POU2F2: variants seen among roughly 807,000 people sequenced by gnomAD.
POU2F2 encodes POU class 2 homeobox 2.
Under a neutral mutation model 63.5 loss-of-function variants are expected in POU2F2, and 14 were observed. The observed-to-expected ratio is 0.22, with a 90% CI of 0.15 to 0.34. POU2F2 has a LOEUF of 0.34. Among genes scored for constraint, POU2F2 ranks in the 10% least tolerant of loss-of-function variants. POU2F2 has a pLI of 1.00. For missense variants in POU2F2, 607 were observed against 815.2 expected, an observed-to-expected ratio of 0.74 and a Z score of 3.11; for synonymous variants, 306 against 348.6, an observed-to-expected ratio of 0.88 and a Z score of 1.36.
chr19:42,187,456 C>CAAAAAAA (rs35993667), intron 1 of POU2F2, among the ~76,000 whole-genome samples: 1 of 48,946 alleles, frequency 2.0e-5, no homozygotes. Context: ...GACTCTGTCT[C>CAAAAAAA]AAAAAAAAAA....
chr19:42,132,099 G>C (rs995288769), intron 1 of POU2F2, among the ~76,000 whole-genome samples: 2 of 152,146 alleles, frequency 1.3e-5, no homozygotes, highest in Non-Finnish European at 2.9e-5. Context: ...CCACATGAGG[G>C]CCCGCTACCA....
chr19:42,173,312 T>A (rs2034807378), intron 1 of POU2F2, among the ~76,000 whole-genome samples: 1 of 152,192 alleles, frequency 6.6e-6, no homozygotes, highest in Non-Finnish European at 1.5e-5. Context: ...CCATCATCGA[T>A]GTCCAAGTAG....
chr19:42,183,603 G>A (rs1240873601), intron 1 of POU2F2, among the ~76,000 whole-genome samples: 1 of 152,156 alleles, frequency 6.6e-6, no homozygotes, highest in African/African-American at 2.4e-5. Context: ...TCACAATAAA[G>A]CTGATTGCAA....
chr19:42,106,667 T>C (rs921662300), intron 5 of POU2F2, among the ~76,000 whole-genome samples: 2 of 151,962 alleles, frequency 1.3e-5, no homozygotes, highest in Non-Finnish European at 2.9e-5. Context: ...TCCCAGCACT[T>C]TGGGAGGCTA....
chr19:42,106,047 CTTTCTTCT>C (rs1313843273), intron 5 of POU2F2, among the ~76,000 whole-genome samples: 3 of 131,054 alleles, frequency 2.3e-5, no homozygotes, highest in African/African-American at 5.9e-5. Flanking sequence ...TTCTTTCTTT[CTTTCTTCT>C]TTCTTTCTTT....
chr19:42,104,518 A>AC (rs1467294852), intron 5 of POU2F2, among the ~76,000 whole-genome samples: 4 of 152,118 alleles, frequency 2.6e-5, no homozygotes, highest in South Asian at 2.1e-4. Flanking sequence ...ACAGTGGAAT[A>AC]CTATGCAGTC....
In POU2F2 at chr19:42,091,909, T is replaced by C. The variant is rs1454431251; in HGVS notation, c.1498A>G (p.Ser500Gly). 6 of 1,540,420 alleles carry C rather than the reference T, an allele frequency of 3.9e-6. No homozygotes were observed. Among genetic ancestry groups the C allele is most frequent in the Non-Finnish European group, 5.2e-6 (6 of 1,146,718 alleles). The change falls in exon 14 of 15, where the codon AGT becomes GGT. Residue 500 changes from serine (S) to glycine (G), a missense_variant. Around this residue, in one of 7 missense-constraint regions of POU2F2, gnomAD observed 270 missense variants for 307.5 expected, o/e 0.88. Transcript: ENST00000692977. Reference protein sequence around the residue: ...STMVGLSSGLSPALMSNNPLA... With the variant: ...STMVGLSSGLGPALMSNNPLA... ...GGGTTGTTGCTCATGAGGGCTGGAC[T>C]CAGCCCGGAGCTCAACCCCACCATT... is the stretch of plus-strand genomic sequence containing the variant.
chr19:42,195,678 CCTTT>C (rs1432000396), intron 1 of POU2F2, among the ~76,000 whole-genome samples: 1 of 148,676 alleles, frequency 6.7e-6, no homozygotes, highest in Non-Finnish European at 1.5e-5. Flanking sequence ...TCCCTCCCTC[CCTTT>C]CTTCCTTCCT....
chr19:42,187,761 C>CAAAAAAAAA (rs745767404), intron 1 of POU2F2, among the ~76,000 whole-genome samples: 2 of 49,960 alleles, frequency 4.0e-5, no homozygotes, highest in African/African-American at 7.6e-5. Context: ...GACTCCATCA[C>CAAAAAAAAA]AAAAAAAAAA....
In POU2F2 at chr19:42,090,154, G is replaced by C. The variant is rs1240161167; in HGVS notation, c.*1103C>G. ...AGGTGAGTTCTCTTTTTGGTTTCTGGTTAATGTCAAAGAACGTGAAGGATC... is the reference window on the plus strand; with the variant it reads ...AGGTGAGTTCTCTTTTTGGTTTCTGCTTAATGTCAAAGAACGTGAAGGATC... On this transcript the variant is annotated 3_prime_UTR_variant, in exon 15 of 15. Transcript: ENST00000692977. The surrounding 1 kb of genome is among the most constrained non-coding windows in gnomAD (Gnocchi z 4.4). 1 of 152,592 alleles carries C rather than the reference G, an allele frequency of 6.6e-6. No homozygotes were observed. The highest frequency in any genetic ancestry group is 1.5e-5 in the Non-Finnish European group (1 of 68,030). 9.5% of individuals were successfully genotyped at this position (152,592 alleles called of 1,614,324 possible). A position where few individuals can be genotyped will look rare whatever the true frequency, so the allele number is the denominator to read the frequency against.
chr19:42,099,883 G>C (rs1432651936), intron 5 of POU2F2, 62 bp from the exon 6 acceptor site: 3 of 1,349,300 alleles, frequency 2.2e-6, no homozygotes, highest in African/African-American at 2.9e-5. Context: ...CATCCTCTCT[G>C]CATCACCTGA....
chr19:42,157,587 C>G (rs1481482861), intron 2 of POU2F2: 1 of 152,228 alleles, frequency 6.6e-6, no homozygotes, highest in Non-Finnish European at 1.5e-5. Context: ...TTACACTGTG[C>G]CAGGGACTGA....
Position 42,162,553 on chromosome 19 carries a change from C to T in POU2F2, c.-69-2161G>A, listed in dbSNP as rs913457350. Among the ~76,000 whole-genome samples the T allele has an allele frequency of 1.3e-5, 2 of 152,168 alleles. No homozygotes were observed. Among genetic ancestry groups the T allele is most frequent in the Non-Finnish European group, 2.9e-5 (2 of 68,036 alleles). On this transcript the variant is annotated intron_variant, in intron 1 of 6. Coordinates refer to the POU2F2 transcript ENST00000524801. This position sits in a 1 kb window ranked among gnomAD's most constrained non-coding sequence, Gnocchi z 4.1. The stretch of plus-strand genomic sequence containing the variant: ...TGTCTGACTCCAAAGCCTACATTTC[C>T]TGCAGCTGTGCACATAAAGGGTAGA...
At chr19:42,148,478 C>T (rs963367172) in intron 2 of POU2F2, among the ~76,000 whole-genome samples, 4 of 152,140 alleles carry the variant, frequency 2.6e-5, no homozygotes, top group South Asian at 2.1e-4. Context: ...CACTCCCCTC[C>T]GCAAACCAGG....
chr19:42,179,490 T>C (rs1599725125), upstream of POU2F2, among the ~76,000 whole-genome samples: 1 of 127,784 alleles, frequency 7.8e-6, no homozygotes, highest in Admixed American at 7.9e-5. Flanking sequence ...TACCCAGACC[T>C]GGGAGGGGGT....
intron 2 of POU2F2, among the ~76,000 whole-genome samples, chr19:42,151,452 G>A (rs1018018101): frequency 6.6e-6 from 1 of 152,160 alleles, no homozygotes; most frequent in Non-Finnish European, 1.5e-5. Flanking sequence ...GGGAGTTGGG[G>A]GCTGGGGGGA....
At chr19:42,122,068 C>T in intron 4 of POU2F2, 58 bp downstream of exon 4, 1 of 1,529,690 alleles carries the variant, frequency 6.5e-7, no homozygotes, top group Non-Finnish European at 9.1e-7. Flanking sequence ...AGGCAGGCCT[C>T]CTGAGGACCC....
At chr19:42,099,652 G>A in intron 6 of POU2F2, 34 bp from the exon 7 acceptor site, 1 of 1,605,142 alleles carries the variant, frequency 6.2e-7, no homozygotes, top group Non-Finnish European at 8.5e-7. Context: ...CAGGGTGAGG[G>A]GGAGGGGAAG....
intron 1 of POU2F2, among the ~76,000 whole-genome samples, chr19:42,186,309 G>C (rs2035012874): frequency 6.6e-6 from 1 of 151,978 alleles, no homozygotes; most frequent in Admixed American, 6.6e-5. Flanking sequence ...AGGCTACCCT[G>C]GCTGGACAGA....
Sources: gnomAD v4.1 joint callset for allele counts (sites outside exome capture counted in the v4.1 genomes callset) on GRCh38, gnomAD v4.1.1 for gene constraint, gnomAD v4.1.1 regional missense constraint, Gnocchi (gnomAD v3.1) non-coding constraint, MANE v1.5 for transcripts, NCBI Gene and HGNC (gene_info 2026-07-23, HGNC 2026-07-21) for gene names.